DPYS: variants seen among roughly 807,000 people sequenced by gnomAD.
DPYS encodes dihydropyrimidine amidohydrolase.
In DPYS, 39 loss-of-function variants were observed where a neutral mutation model predicts 50.3. That is an observed-to-expected ratio of 0.78 (90% CI 0.60 to 1.01). The LOEUF is 1.01. DPYS is among the 50% of genes least tolerant of loss of function. The pLI, the probability that DPYS is intolerant of heterozygous loss-of-function variation, is 0.00. For missense variants in DPYS, 659 were observed against 680.9 expected (o/e 0.97, Z 0.36); for synonymous variants, 245 against 250.7 (o/e 0.98, Z 0.22).
At chr8:104,392,712 C>A (rs1466418519) in intron 8 of DPYS, 72 bp downstream of exon 8, 1 of 1,587,240 alleles carries the variant, frequency 6.3e-7, no homozygotes, top group African/African-American at 1.3e-5. Flanking sequence ...CTACTACCAA[C>A]AATAACCAGC....
intron 4 of DPYS, among the ~76,000 whole-genome samples, chr8:104,437,875 C>T (rs565437531): frequency 6.6e-6 from 1 of 152,222 alleles, no homozygotes; most frequent in East Asian, 1.9e-4. Context: ...AAAAATCTTA[C>T]AGATAATGAA....
chr8:104,420,485 C>T (rs1042247204), intron 7 of DPYS: 2 of 152,086 alleles, frequency 1.3e-5, no homozygotes, highest in African/African-American at 4.8e-5. Context: ...TTCTATGAAG[C>T]CTCCTCTTCA....
chr8:104,392,756 T>C (rs753976791), intron 8 of DPYS, 28 bp downstream of exon 8: 92 of 1,612,976 alleles, frequency 5.7e-5, no homozygotes, highest in Non-Finnish European at 7.8e-5. Context: ...GTCCGACTTG[T>C]GGCAGTATCC....
At chr8:104,387,791 G>C (rs547992150) in intron 8 of DPYS, among the ~76,000 whole-genome samples, 1 of 152,344 alleles carries the variant, frequency 6.6e-6, no homozygotes, top group South Asian at 2.1e-4. Flanking sequence ...GCATGAAAAA[G>C]AGTACTTAGA....
At chr8:104,384,712 T>C (rs1423206291) in intron 8 of DPYS, among the ~76,000 whole-genome samples, 1 of 152,182 alleles carries the variant, frequency 6.6e-6, no homozygotes, top group African/African-American at 2.4e-5. Context: ...CAGATGAATA[T>C]GGTGATAATA....
At chr8:104,387,998 C>G (rs1375204818) in intron 8 of DPYS, among the ~76,000 whole-genome samples, 1 of 152,146 alleles carries the variant, frequency 6.6e-6, no homozygotes, top group Non-Finnish European at 1.5e-5. Context: ...ACATATGTCT[C>G]TTGTGAGCCA....
chr8:104,407,961 AAAAAAGTCATCTT>A (rs1235354392), intron 7 of DPYS, among the ~76,000 whole-genome samples: 1 of 152,246 alleles, frequency 6.6e-6, no homozygotes, highest in African/African-American at 2.4e-5. Flanking sequence ...GGAAGAAAAA[AAAAAAGTCATCTT>A]GGTGGAAGAA....
At chr8:104,399,866 C>CA (rs57562204) in intron 7 of DPYS, among the ~76,000 whole-genome samples, 3,760 of 52,412 alleles carry the variant, frequency 0.072, 537 homozygotes, top group African/African-American at 0.11. Flanking sequence ...GACTCCGTCT[C>CA]AAAAAAAAAA....
At chr8:104,393,087 A>G in intron 7 of DPYS, 96 bp from the exon 8 acceptor site, 3 of 1,146,008 alleles carry the variant, frequency 2.6e-6, no homozygotes, top group Non-Finnish European at 3.8e-6. Flanking sequence ...AAGAAAACTT[A>G]GCAACTCTAT....
Position 104,447,523 on chromosome 8 carries a change from A to G in DPYS, c.424-20T>C, listed in dbSNP as rs1487818672. The stretch of plus-strand genomic sequence containing the variant: ...TTTAACCTAAAAGGAAGCAGCAACC[A>G]TAACAACAATATGTTACTCTAATTT... On this transcript the variant is annotated intron_variant, in intron 2 of 9. Coordinates refer to ENST00000351513, the MANE Select transcript of DPYS (RefSeq NM_001385.3). 1.1e-5 allele frequency: 17 copies of G among 1,612,452 alleles called. No homozygotes were observed. The highest frequency in any genetic ancestry group is 1.3e-5 in the Non-Finnish European group (15 of 1,178,624).
At chr8:104,461,027 T>C (rs949604568) in intron 1 of DPYS, among the ~76,000 whole-genome samples, 1 of 150,956 alleles carries the variant, frequency 6.6e-6, no homozygotes, top group Admixed American at 6.6e-5. Flanking sequence ...CTCACACCTG[T>C]AATCCCAGCA....
chr8:104,432,433 A>T (rs1812987078), intron 4 of DPYS, among the ~76,000 whole-genome samples: 1 of 152,198 alleles, frequency 6.6e-6, no homozygotes, highest in African/African-American at 2.4e-5. Flanking sequence ...GAGTCCTGAG[A>T]TCTGCTAGAG....
chr8:104,429,790 C>T (rs1443263196), intron 4 of DPYS, 89 bp from the exon 5 acceptor site: 2 of 1,521,950 alleles, frequency 1.3e-6, no homozygotes, highest in African/African-American at 1.4e-5. Flanking sequence ...CTTTTCTCCC[C>T]TAGCAGAGGG....
At chr8:104,448,151 T>C (rs921342365) in intron 2 of DPYS, among the ~76,000 whole-genome samples, 2 of 149,110 alleles carry the variant, frequency 1.3e-5, no homozygotes, top group African/African-American at 4.9e-5. Context: ...ATCGCAACAA[T>C]TGCTCTTTTT....
intron 7 of DPYS, among the ~76,000 whole-genome samples, chr8:104,396,392 T>C (rs1335799643): frequency 6.6e-6 from 1 of 152,214 alleles, no homozygotes; most frequent in Non-Finnish European, 1.5e-5. Flanking sequence ...TAAGAGTTAC[T>C]GAAGCTCTTA....
At chr8:104,449,462 C>A (rs772383938) in intron 2 of DPYS, among the ~76,000 whole-genome samples, 5 of 152,210 alleles carry the variant, frequency 3.3e-5, no homozygotes, top group Non-Finnish European at 5.9e-5. Flanking sequence ...GCAGCGTCAC[C>A]TGGTTGCTTG....
At chr8:104,382,348 T>C (rs1811080686) in intron 8 of DPYS, among the ~76,000 whole-genome samples, 1 of 152,136 alleles carries the variant, frequency 6.6e-6, no homozygotes, top group Non-Finnish European at 1.5e-5. Context: ...CTAAATGCTT[T>C]GCTGGACTTC....
chr8:104,410,053 C>G (rs1203233883), intron 7 of DPYS, among the ~76,000 whole-genome samples: 4 of 152,164 alleles, frequency 2.6e-5, no homozygotes, highest in African/African-American at 9.7e-5. Context: ...TTTCACTCAA[C>G]TTTGAGTACA....
At chr8:104,442,299 C>A (rs745997276) in intron 4 of DPYS, among the ~76,000 whole-genome samples, 1 of 152,234 alleles carries the variant, frequency 6.6e-6, no homozygotes, top group Non-Finnish European at 1.5e-5. Flanking sequence ...TAATGGAATT[C>A]TATCCCAATG....
Sources: gnomAD v4.1 joint callset for allele counts (sites outside exome capture counted in the v4.1 genomes callset) on GRCh38, gnomAD v4.1.1 for gene constraint, MANE v1.5 for transcripts, NCBI Gene and HGNC (gene_info 2026-07-23, HGNC 2026-07-21) for gene names.